PHF2: variants seen among roughly 807,000 people sequenced by gnomAD.
PHF2 encodes lysine-specific demethylase PHF2.
In PHF2, 27 loss-of-function variants were observed where a neutral mutation model predicts 120.5. The observed-to-expected ratio is 0.22, with a 90% CI of 0.17 to 0.31. PHF2 has a LOEUF of 0.31. Among genes scored for constraint, PHF2 ranks in the 10% least tolerant of loss-of-function variants. PHF2 has a pLI of 1.00. For synonymous variants in PHF2, 568 were observed against 592.5 expected (o/e 0.96, Z 0.60); for missense variants, 1,024 against 1,434.8 (o/e 0.71, Z 4.63).
chr9:93,623,448 GCTCTTCTTCA>G (rs1361596982), intron 1 of PHF2, among the ~76,000 whole-genome samples: 1 of 152,202 alleles, frequency 6.6e-6, no homozygotes. Context: ...TCTGTGCTGA[GCTCTTCTTCA>G]CATGCCATAG....
At chr9:93,622,669 T>C (rs1123475) in intron 1 of PHF2, among the ~76,000 whole-genome samples, 3,777 of 152,214 alleles carry the variant, frequency 0.025, 154 homozygotes, top group African/African-American at 0.085. Flanking sequence ...ACACCTTGAT[T>C]TTAGCCCGGT....
intron 1 of PHF2, among the ~76,000 whole-genome samples, chr9:93,614,313 G>C (rs1410426319): frequency 6.6e-6 from 1 of 152,222 alleles, no homozygotes; most frequent in African/African-American, 2.4e-5. Context: ...CAGACATAGA[G>C]GGTGGTGAGG....
intron 3 of PHF2, among the ~76,000 whole-genome samples, chr9:93,638,993 C>T (rs1294821111): frequency 6.6e-6 from 1 of 152,198 alleles, no homozygotes; most frequent in Non-Finnish European, 1.5e-5. Flanking sequence ...GCTGGGATTA[C>T]AAGCGTGAGC....
chr9:93,639,009 T>C (rs1278805178), intron 3 of PHF2, among the ~76,000 whole-genome samples: 6 of 152,196 alleles, frequency 3.9e-5, no homozygotes, highest in Non-Finnish European at 7.3e-5. Flanking sequence ...TGAGCCACCA[T>C]GCCTGGCCAA....
intron 1 of PHF2, among the ~76,000 whole-genome samples, chr9:93,586,586 C>G (rs1415505785): frequency 6.6e-6 from 1 of 152,268 alleles, no homozygotes. Context: ...TGTGCCACTC[C>G]TGGCTGCGCT....
intron 4 of PHF2, among the ~76,000 whole-genome samples, chr9:93,648,086 G>A (rs1159546211): frequency 6.6e-6 from 1 of 150,662 alleles, no homozygotes; most frequent in African/African-American, 2.5e-5. Context: ...ACATTTGGCT[G>A]TGGAATCCAA....
At chr9:93,622,842 C>T (rs79329731) in intron 1 of PHF2, among the ~76,000 whole-genome samples, 2 of 152,072 alleles carry the variant, frequency 1.3e-5, no homozygotes, top group Admixed American at 6.5e-5. Context: ...AACTGAGCCC[C>T]GAGTCTGTCT....
intron 10 of PHF2, among the ~76,000 whole-genome samples, chr9:93,659,270 A>G (rs1227767387): frequency 6.6e-6 from 1 of 152,252 alleles, no homozygotes; most frequent in Non-Finnish European, 1.5e-5. Flanking sequence ...ACCCTTGTCC[A>G]TTCCATAGCC....
chr9:93,660,196 C>A lies in PHF2; in HGVS notation c.1334C>A (p.Ala445Asp). Residue 445 changes from alanine to aspartate, a missense_variant, in exon 12 of 22, where the codon GCC (alanine) becomes GAC (aspartate). Transcript: ENST00000359246. ...LAKEIRLSEN[A>D]SKAVRPEVNT... Reference sequence around the variant, plus strand: ...CCTCTCCTTTCTGTATCCCAGAATGCCTCCAAAGCCGTCCGACCGGAAGTG... The same window carrying A: ...CCTCTCCTTTCTGTATCCCAGAATGACTCCAAAGCCGTCCGACCGGAAGTG... 6.4e-7 allele frequency: 1 copy of A among 1,550,908 alleles called. No individual in the cohort carries two copies. Among genetic ancestry groups the A allele is most frequent in the South Asian group, 1.3e-5 (1 of 79,554 alleles).
At chr9:93,619,031 C>T (rs1265746381) in intron 1 of PHF2, among the ~76,000 whole-genome samples, 2 of 149,166 alleles carry the variant, frequency 1.3e-5, no homozygotes, top group Admixed American at 1.3e-4. Flanking sequence ...AGCTGCCTGT[C>T]CTTGCCCACC....
intron 17 of PHF2, chr9:93,670,966 T>G: frequency 1.5e-5 from 15 of 975,040 alleles, no homozygotes; most frequent in Non-Finnish European, 1.8e-5. Context: ...GAACTTGGAC[T>G]GAGCTGAGGT....
chr9:93,644,456 A>G (rs1826220502), intron 3 of PHF2, among the ~76,000 whole-genome samples: 1 of 151,174 alleles, frequency 6.6e-6, no homozygotes, highest in South Asian at 2.1e-4. Context: ...GGCGGCTCCC[A>G]GTGCTTCTGG....
At chr9:93,611,677 T>G (rs1188865025) in intron 1 of PHF2, among the ~76,000 whole-genome samples, 1 of 152,046 alleles carries the variant, frequency 6.6e-6, no homozygotes, top group Non-Finnish European at 1.5e-5. Context: ...TGCCTGGCGC[T>G]TTTTTATTTT....
At chr9:93,576,940 C>T (rs937676055) in intron 1 of PHF2, 69 bp downstream of exon 1, 1,021 of 663,370 alleles carry the variant, frequency 1.5e-3, no homozygotes, top group Non-Finnish European at 1.8e-3. Context: ...GAGCCCCGCG[C>T]CCCCGGCTGC....
At chr9:93,619,822 C>T (rs1488833835) in intron 1 of PHF2, among the ~76,000 whole-genome samples, 1 of 152,130 alleles carries the variant, frequency 6.6e-6, no homozygotes, top group East Asian at 1.9e-4. Flanking sequence ...AGGGGCCGGC[C>T]AACTTTGCCT....
intron 5 of PHF2, 70 bp from the exon 6 acceptor site, chr9:93,653,109 G>A (rs1457905272): frequency 1.4e-6 from 2 of 1,424,394 alleles, no homozygotes; most frequent in African/African-American, 1.4e-5. Context: ...CACAGAACAT[G>A]TTTCCCACTG....
chr9:93,625,643 A>T (rs970042996), intron 1 of PHF2, among the ~76,000 whole-genome samples: 1 of 151,784 alleles, frequency 6.6e-6, no homozygotes, highest in Non-Finnish European at 1.5e-5. Flanking sequence ...ATGCCCAGCT[A>T]ATTTTTGTAT....
At chr9:93,670,285 G>T (rs932500765) in intron 17 of PHF2, among the ~76,000 whole-genome samples, 4 of 152,240 alleles carry the variant, frequency 2.6e-5, no homozygotes, top group African/African-American at 9.6e-5. Context: ...GGTGGGGCGG[G>T]CTGCCTTGTC....
At chr9:93,604,558 G>A (rs569202307) in intron 1 of PHF2, among the ~76,000 whole-genome samples, 4 of 151,302 alleles carry the variant, frequency 2.6e-5, no homozygotes, top group Non-Finnish European at 5.9e-5. Flanking sequence ...TCCGCCTCCC[G>A]GGTTCACGCC....
Sources: allele counts gnomAD v4.1 joint callset (sites outside exome capture counted in the v4.1 genomes callset), GRCh38; gene constraint gnomAD v4.1.1; transcripts MANE v1.5; gene names NCBI Gene and HGNC (gene_info 2026-07-23, HGNC 2026-07-21).